Variants in TSPAN14 observed in about 807,000 individuals in gnomAD.
TSPAN14 encodes the protein tetraspanin-14.
Under a neutral mutation model 36.6 loss-of-function variants are expected in TSPAN14, and 16 were observed. The observed-to-expected ratio is 0.44, with a 90% confidence interval of 0.30 to 0.66. The LOEUF is 0.66. Ranked by LOEUF, TSPAN14 falls within the 30% of genes least tolerant of loss-of-function variation. TSPAN14 has a pLI of 0.12. For missense variants in TSPAN14, 231 were observed against 355.1 expected (o/e 0.65, Z 2.81); for synonymous variants, 139 against 143.8 (o/e 0.97, Z 0.24).
At chr10:80,496,400 A>G (rs1848200665) in intron 2 of TSPAN14, among the ~76,000 whole-genome samples, 1 of 151,990 alleles carries the variant, frequency 6.6e-6, no homozygotes. Context: ...GTCTCCTCCC[A>G]CCTCCAGGCT....
At chr10:80,460,953 T>G (rs535222509) in intron 1 of TSPAN14, among the ~76,000 whole-genome samples, 2 of 152,016 alleles carry the variant, frequency 1.3e-5, no homozygotes, top group East Asian at 1.9e-4. Context: ...CAGAGGGAGG[T>G]GCTGTGGGGG....
chr10:80,518,575 T>C (rs926488487), exon 9 of TSPAN14: 1 of 156,014 alleles, frequency 6.4e-6, no homozygotes, highest in African/African-American at 2.4e-5. Flanking sequence ...GAAGTAAGCC[T>C]GAGCCAGTGC....
intron 7 of TSPAN14, among the ~76,000 whole-genome samples, chr10:80,514,490 G>A (rs959728579): frequency 3.3e-5 from 5 of 152,170 alleles, no homozygotes; most frequent in African/African-American, 4.8e-5. Flanking sequence ...GGGCAGGGGC[G>A]AGGCTCTGTC....
At chr10:80,514,451 CAGT>C (rs904391107) in intron 7 of TSPAN14, among the ~76,000 whole-genome samples, 1 of 152,124 alleles carries the variant, frequency 6.6e-6, no homozygotes. Flanking sequence ...CGTGTGGAGG[CAGT>C]AGTGACAAAG....
At chr10:80,500,410 A>G (rs969204488) in intron 2 of TSPAN14, among the ~76,000 whole-genome samples, 1 of 128,612 alleles carries the variant, frequency 7.8e-6, no homozygotes, top group Non-Finnish European at 1.5e-5. Flanking sequence ...GCTCACCGCA[A>G]CCTCCACCTC....
chr10:80,508,188 T>G (rs1241137816), intron 4 of TSPAN14, among the ~76,000 whole-genome samples: 2 of 151,186 alleles, frequency 1.3e-5, no homozygotes, highest in Non-Finnish European at 2.9e-5. Context: ...TGATCTCGGC[T>G]AACTGCAAGC....
chr10:80,522,625 ATGTAAAG>A (rs1841319624), exon 9 of TSPAN14: 1 of 152,266 alleles, frequency 6.6e-6, no homozygotes, highest in Non-Finnish European at 1.5e-5. Flanking sequence ...ACATAAGAGA[ATGTAAAG>A]TGAAAAGTGA....
intron 1 of TSPAN14, among the ~76,000 whole-genome samples, chr10:80,462,527 T>G (rs947666161): frequency 2.6e-5 from 4 of 152,222 alleles, no homozygotes; most frequent in African/African-American, 9.6e-5. Context: ...TGGAATGGTT[T>G]TTGTATTGTT....
chr10:80,508,261 G>A (rs913051263), intron 4 of TSPAN14, among the ~76,000 whole-genome samples: 6 of 151,794 alleles, frequency 4.0e-5, no homozygotes, highest in Non-Finnish European at 5.9e-5. Context: ...GACTACAGGC[G>A]CCCGCTACCA....
chr10:80,511,725 TCTC>T lies in TSPAN14; in HGVS notation c.451-418_451-416del, dbSNP rs1840646071. Among the ~76,000 whole-genome samples the T allele has an allele frequency of 7.2e-5, 7 of 97,266 alleles. No homozygotes were observed. The East Asian group carries it at 1.2e-3, about 16-fold the overall frequency. 63.8% of individuals were successfully genotyped at this position (97,266 alleles called of 152,430 possible). ...AAAGGGCAGGTCCTCTCTCTCTCTCTCTCTCTCTCTCTCTCTCTCTCTCTCTCT... is the reference window on the plus strand; with the variant it reads ...AAAGGGCAGGTCCTCTCTCTCTCTCTTCTCTCTCTCTCTCTCTCTCTCTCT... On this transcript the variant is annotated intron_variant, in intron 5 of 8. Transcript: ENST00000429989.
chr10:80,494,624 G>A (rs953836680), intron 2 of TSPAN14, among the ~76,000 whole-genome samples: 1 of 152,074 alleles, frequency 6.6e-6, no homozygotes, highest in African/African-American at 2.4e-5. Context: ...CTGTTCCTGG[G>A]CTCTTCTGAC....
chr10:80,499,525 C>G (rs1848378902), intron 2 of TSPAN14, among the ~76,000 whole-genome samples: 1 of 152,132 alleles, frequency 6.6e-6, no homozygotes, highest in African/African-American at 2.4e-5. Flanking sequence ...TCCCCGGGCT[C>G]TTGTGTGAGT....
At chr10:80,457,285 A>C (rs920401775) in intron 1 of TSPAN14, among the ~76,000 whole-genome samples, 3 of 151,574 alleles carry the variant, frequency 2.0e-5, no homozygotes, top group African/African-American at 7.3e-5. Context: ...TCCTGGGTTC[A>C]AGTGATTCTT....
At chr10:80,477,688 C>T (rs915069962) in intron 1 of TSPAN14, among the ~76,000 whole-genome samples, 2 of 152,098 alleles carry the variant, frequency 1.3e-5, no homozygotes, top group Non-Finnish European at 2.9e-5. Flanking sequence ...TTCCTTCCAC[C>T]GTGATGCTGG....
intron 1 of TSPAN14, among the ~76,000 whole-genome samples, chr10:80,475,136 G>T (rs1305802785): frequency 1.3e-5 from 2 of 152,180 alleles, no homozygotes; most frequent in East Asian, 3.9e-4. Context: ...TTGGGTGTGG[G>T]GCTGCCAAGC....
At chr10:80,458,151 G>C (rs1845813430) in intron 1 of TSPAN14, among the ~76,000 whole-genome samples, 1 of 152,220 alleles carries the variant, frequency 6.6e-6, no homozygotes, top group Non-Finnish European at 1.5e-5. Flanking sequence ...AGCAGGTAGC[G>C]ATACCCAGGC....
intron 1 of TSPAN14, among the ~76,000 whole-genome samples, chr10:80,473,315 C>T (rs1846661573): frequency 6.6e-6 from 1 of 152,192 alleles, no homozygotes; most frequent in Non-Finnish European, 1.5e-5. Flanking sequence ...TGTCCTGAAA[C>T]TTGGCAGGTT....
intron 1 of TSPAN14, among the ~76,000 whole-genome samples, chr10:80,477,058 T>C (rs1367923463): frequency 6.6e-6 from 1 of 152,228 alleles, no homozygotes; most frequent in Non-Finnish European, 1.5e-5. Flanking sequence ...TCTTAGCCCT[T>C]AGAGTCCCTC....
intron 1 of TSPAN14, among the ~76,000 whole-genome samples, chr10:80,478,114 G>A (rs1847029820): frequency 6.6e-6 from 1 of 151,950 alleles, no homozygotes; most frequent in Non-Finnish European, 1.5e-5. Flanking sequence ...ATGAAAAAAA[G>A]CAATTTGAAA....
Sources: gnomAD v4.1 joint callset for allele counts (sites outside exome capture counted in the v4.1 genomes callset) on GRCh38, gnomAD v4.1.1 for gene constraint, MANE v1.5 for transcripts, NCBI Gene and HGNC (gene_info 2026-07-23, HGNC 2026-07-21) for gene names.